The following CEP170 variants were observed in gnomAD, a reference collection of about 807,000 sequenced individuals.
CEP170 encodes centrosomal protein 170, also known as centrosomal protein of 170 kDa.
In CEP170, 21 loss-of-function variants were observed where a neutral mutation model predicts 151.9. The ratio of observed to expected loss-of-function variants is 0.14; its 90% CI spans 0.10 to 0.20. The LOEUF (loss-of-function observed/expected upper bound fraction) is 0.20. CEP170 is among the 10% of genes least tolerant of loss of function. The pLI is 1.00. For missense variants in CEP170, 964 were observed against 1,892.9 expected, an observed-to-expected ratio of 0.51 and a Z score of 9.11; for synonymous variants, 356 against 648.8, an observed-to-expected ratio of 0.55 and a Z score of 6.86.
At chr1:243,167,891 A>G (rs1323005178) in intron 12 of CEP170, among the ~76,000 whole-genome samples, 1 of 151,850 alleles carries the variant, frequency 6.6e-6, no homozygotes, top group Non-Finnish European at 1.5e-5. Context: ...CCCTCCTCAT[A>G]TACATTCAAT....
intron 17 of CEP170, among the ~76,000 whole-genome samples, chr1:243,134,550 T>G (rs531520230): frequency 9.2e-5 from 14 of 152,174 alleles, no homozygotes; most frequent in Non-Finnish European, 2.1e-4. Flanking sequence ...CAGGCTGTGG[T>G]GCAGTGCCAT....
Position 243,209,117 on chromosome 1 carries a change from T to C in CEP170, c.274+2769A>G, listed in dbSNP as rs182720583. On this transcript the variant is annotated intron_variant, in intron 4 of 19. Coordinates refer to ENST00000366542, the MANE Select transcript of CEP170 (RefSeq NM_014812.3). ...TTTCTCCAGTTACAAAAAAGACTTA[T>C]GTTGCCTAATTCTAGTCTTGATCCA... 3.8e-3 allele frequency among the ~76,000 whole-genome samples: 572 copies of C among 152,378 alleles called. 5 individuals carry two copies. Among genetic ancestry groups the C allele is most frequent in the African/African-American group, 0.013 (549 of 41,592 alleles).
At chr1:243,238,417 C>A (rs1400448621) in intron 1 of CEP170, among the ~76,000 whole-genome samples, 1 of 152,014 alleles carries the variant, frequency 6.6e-6, no homozygotes, top group Non-Finnish European at 1.5e-5. Flanking sequence ...CAAGACTGTG[C>A]CATTGCACTC....
chr1:243,187,118 T>C (rs1210715711), intron 8 of CEP170, among the ~76,000 whole-genome samples: 3 of 152,224 alleles, frequency 2.0e-5, no homozygotes, highest in Non-Finnish European at 4.4e-5. Flanking sequence ...AAGGGTCATC[T>C]ATGAAATCTC....
chr1:243,226,168 GATAT>G (rs548955335), intron 1 of CEP170, among the ~76,000 whole-genome samples: 14 of 83,946 alleles, frequency 1.7e-4, no homozygotes, highest in East Asian at 6.5e-4. Flanking sequence ...TCTCTCTATA[GATAT>G]ATATATATCT....
At chr1:243,146,258 A>G (rs2056474271) in intron 14 of CEP170, among the ~76,000 whole-genome samples, 1 of 152,226 alleles carries the variant, frequency 6.6e-6, no homozygotes, top group South Asian at 2.1e-4. Flanking sequence ...TCAGCGATTC[A>G]TAAAAAAGTA....
At chr1:243,221,131 T>C (rs1267052641) in intron 3 of CEP170, among the ~76,000 whole-genome samples, 1 of 152,146 alleles carries the variant, frequency 6.6e-6, no homozygotes, top group Non-Finnish European at 1.5e-5. Flanking sequence ...TTCACGCCAT[T>C]CTCCTGCCTC....
intron 3 of CEP170, among the ~76,000 whole-genome samples, chr1:243,216,658 GA>G (rs1380722569): frequency 6.6e-6 from 1 of 152,110 alleles, no homozygotes; most frequent in Non-Finnish European, 1.5e-5. Context: ...AAAGAAATCA[GA>G]AAAAGTTACA....
intron 8 of CEP170, 141 bp from the exon 9 acceptor site, chr1:243,186,563 G>A (rs1269348204): frequency 1.3e-5 from 11 of 820,838 alleles, no homozygotes; most frequent in East Asian, 2.7e-5. Flanking sequence ...TAACAGGCTC[G>A]GCAAACTTGC....
chr1:243,188,279 A>C (rs2060060217), intron 8 of CEP170, among the ~76,000 whole-genome samples: 1 of 152,166 alleles, frequency 6.6e-6, no homozygotes, highest in South Asian at 2.1e-4. Context: ...TTTAATGAAA[A>C]TACCATCTTC....
chr1:243,191,597 A>T (rs1280309080), intron 7 of CEP170, 103 bp from the exon 8 acceptor site: 5 of 806,470 alleles, frequency 6.2e-6, no homozygotes, highest in Non-Finnish European at 9.7e-6. Flanking sequence ...ACCAGAAGGC[A>T]GATCACAGTC....
At chr1:243,174,915 C>G (rs1284364468) in intron 10 of CEP170, 1 of 152,190 alleles carries the variant, frequency 6.6e-6, no homozygotes, top group African/African-American at 2.4e-5. Flanking sequence ...TCACTCCTAA[C>G]TCAAGTCACT....
At chr1:243,135,884 T>A (rs567535386) in intron 17 of CEP170, 2,436 of 224,496 alleles carry the variant, frequency 0.011, 31 homozygotes, top group African/African-American at 0.053. Flanking sequence ...CATTACATTT[T>A]AAATTTTAAT....
chr1:243,188,690 G>A (rs1293994686), intron 8 of CEP170, among the ~76,000 whole-genome samples: 1 of 152,150 alleles, frequency 6.6e-6, no homozygotes, highest in African/African-American at 2.4e-5. Context: ...CCAAACTGTC[G>A]CAAAGCACCT....
intron 10 of CEP170, among the ~76,000 whole-genome samples, chr1:243,182,619 A>G (rs964277888): frequency 1.3e-5 from 2 of 152,170 alleles, no homozygotes; most frequent in Non-Finnish European, 2.9e-5. Context: ...CCTCAGTATG[A>G]TATATAATGA....
rs145496840 is a variant in CEP170, at chr1:243,151,799, G to A, written c.3911+4422C>T. Among the ~76,000 whole-genome samples, 294 of 152,342 alleles carry A rather than the reference G, an allele frequency of 1.9e-3. 3 individuals carry two copies. Among genetic ancestry groups the A allele is most frequent in the Non-Finnish European group, 1.6e-3 (112 of 68,032 alleles). ...AAACAGCCTTCTATTGGAAGAAGAT[G>A]CCATCTAGGACTTTCAGAGCCAGAG... On this transcript the variant is annotated intron_variant, in intron 14 of 19. Transcript: ENST00000366542.
At chr1:243,243,990 CTG>C (rs1018191346) in intron 1 of CEP170, among the ~76,000 whole-genome samples, 2 of 152,124 alleles carry the variant, frequency 1.3e-5, no homozygotes, top group African/African-American at 4.8e-5. Flanking sequence ...CATTTTTTAA[CTG>C]TCTTTTTTTT....
intron 17 of CEP170, among the ~76,000 whole-genome samples, chr1:243,129,759 C>T (rs1485015645): frequency 1.3e-5 from 2 of 151,888 alleles, no homozygotes; most frequent in East Asian, 3.9e-4. Flanking sequence ...TTATAATTTA[C>T]AATACAGTAA....
At chr1:243,170,716 C>A (rs1050396712) in intron 11 of CEP170, among the ~76,000 whole-genome samples, 2 of 152,194 alleles carry the variant, frequency 1.3e-5, no homozygotes, top group Non-Finnish European at 2.9e-5. Context: ...ATCGCGTGAA[C>A]CCGGGAGGCA....
Sources: gnomAD v4.1 joint callset for allele counts (sites outside exome capture counted in the v4.1 genomes callset) on GRCh38, gnomAD v4.1.1 for gene constraint, MANE v1.5 for transcripts, NCBI Gene and HGNC (gene_info 2026-07-23, HGNC 2026-07-21) for gene names.